The following PPP1R14C variants were observed in gnomAD, a reference collection of about 807,000 sequenced individuals.
PPP1R14C encodes protein phosphatase 1 regulatory subunit 14C.
A neutral mutation model predicts 20.4 loss-of-function variants in PPP1R14C; 16 were observed. That is an observed-to-expected ratio of 0.78 (90% CI 0.53 to 1.19). The LOEUF (loss-of-function observed/expected upper bound fraction) is 1.19. Among genes scored for constraint, PPP1R14C ranks in the 50% most tolerant of loss-of-function variants. PPP1R14C has a pLI of 0.00. For missense variants in PPP1R14C, 211 were observed against 220.1 expected (o/e 0.96, Z 0.26); for synonymous variants, 91 against 91.0 (o/e 1.00, Z 0.00).
intron 1 of PPP1R14C, among the ~76,000 whole-genome samples, chr6:150,198,402 G>A (rs1472651662): frequency 3.9e-5 from 6 of 152,248 alleles, no homozygotes; most frequent in East Asian, 1.9e-4. Flanking sequence ...CTGTGGCTGC[G>A]TGGTTGTCAG....
intron 1 of PPP1R14C, among the ~76,000 whole-genome samples, chr6:150,158,230 C>T (rs1777326529): frequency 6.6e-6 from 1 of 152,098 alleles, no homozygotes; most frequent in African/African-American, 2.4e-5. Flanking sequence ...TTTGCTATAA[C>T]TAATTCTGCC....
chr6:150,187,602 C>A (rs1777693245), intron 1 of PPP1R14C, among the ~76,000 whole-genome samples: 1 of 152,130 alleles, frequency 6.6e-6, no homozygotes, highest in African/African-American at 2.4e-5. Context: ...CAACTCCATC[C>A]ATGTTTCTGC....
intron 1 of PPP1R14C, among the ~76,000 whole-genome samples, chr6:150,144,810 C>G (rs573031498): frequency 2.6e-5 from 4 of 152,142 alleles, no homozygotes; most frequent in Non-Finnish European, 5.9e-5. Context: ...CCAGCTCTTA[C>G]AAAAAGCTAA....
intron 3 of PPP1R14C, among the ~76,000 whole-genome samples, chr6:150,221,951 A>C (rs1012901084): frequency 5.9e-5 from 9 of 152,132 alleles, no homozygotes; most frequent in Non-Finnish European, 1.2e-4. Context: ...GGTACACACC[A>C]CCACACTCAG....
At chr6:150,187,646 T>A (rs1288055063) in intron 1 of PPP1R14C, among the ~76,000 whole-genome samples, 1 of 152,244 alleles carries the variant, frequency 6.6e-6, no homozygotes. Context: ...TATGGCTGCG[T>A]AGTATTCTAT....
intron 1 of PPP1R14C, among the ~76,000 whole-genome samples, chr6:150,197,077 T>C (rs1777813466): frequency 6.6e-6 from 1 of 152,186 alleles, no homozygotes; most frequent in East Asian, 1.9e-4. Flanking sequence ...CAGCTGCTGC[T>C]TGCTGCACCT....
At chr6:150,161,556 C>T (rs1777368116) in intron 1 of PPP1R14C, among the ~76,000 whole-genome samples, 1 of 152,216 alleles carries the variant, frequency 6.6e-6, no homozygotes, top group African/African-American at 2.4e-5. Flanking sequence ...TCTTTAAACT[C>T]CTACTCCAAC....
chr6:150,174,226 A>T (rs1777532164), intron 1 of PPP1R14C, among the ~76,000 whole-genome samples: 2 of 152,126 alleles, frequency 1.3e-5, no homozygotes. Flanking sequence ...TTATAAATCA[A>T]TTACAAAGAA....
intron 1 of PPP1R14C, among the ~76,000 whole-genome samples, chr6:150,207,546 C>CATA (rs1417316939): frequency 1.3e-5 from 2 of 152,212 alleles, no homozygotes; most frequent in Non-Finnish European, 2.9e-5. Context: ...TGCCCTCTGG[C>CATA]CTTCATGAGC....
intron 3 of PPP1R14C, among the ~76,000 whole-genome samples, chr6:150,238,420 C>T (rs1440837322): frequency 1.3e-5 from 2 of 152,208 alleles, no homozygotes; most frequent in Admixed American, 6.5e-5. Flanking sequence ...GCTGGCCCTT[C>T]CAGAGCAGTC....
chr6:150,155,760 C>T (rs1222702570), intron 1 of PPP1R14C, among the ~76,000 whole-genome samples: 3 of 152,008 alleles, frequency 2.0e-5, no homozygotes, highest in Non-Finnish European at 4.4e-5. Flanking sequence ...CACGGTGGCT[C>T]ACACCTGTAA....
intron 1 of PPP1R14C, among the ~76,000 whole-genome samples, chr6:150,176,325 G>A (rs1182669761): frequency 2.0e-5 from 3 of 152,172 alleles, no homozygotes; most frequent in Non-Finnish European, 4.4e-5. Flanking sequence ...TCTAACAATC[G>A]AGTTGGAGGC....
intron 3 of PPP1R14C, among the ~76,000 whole-genome samples, chr6:150,239,068 A>G (rs1778401883): frequency 6.6e-6 from 1 of 152,244 alleles, no homozygotes. Flanking sequence ...ACTTCAAAAA[A>G]GAATGGATTC....
intron 3 of PPP1R14C, among the ~76,000 whole-genome samples, chr6:150,222,630 T>C (rs1296533873): frequency 6.6e-6 from 1 of 152,142 alleles, no homozygotes; most frequent in African/African-American, 2.4e-5. Context: ...CACTCACCCC[T>C]GGCAACCACT....
chr6:150,192,360 C>G (rs1032138980), intron 1 of PPP1R14C, among the ~76,000 whole-genome samples: 6 of 152,174 alleles, frequency 3.9e-5, no homozygotes, highest in Non-Finnish European at 7.3e-5. Flanking sequence ...ACTGTTCCAT[C>G]TCAGATCATC....
At position 150,168,399 on chromosome 6, in the gene PPP1R14C, G is replaced by A. The variant is rs188370827; in HGVS notation, c.306+24901G>A. Among the ~76,000 whole-genome samples the A allele has an allele frequency of 6.8e-3, 1,038 of 151,874 alleles. 4 individuals carry two copies. Among genetic ancestry groups the A allele is most frequent in the Non-Finnish European group, 9.0e-3 (607 of 67,766 alleles). ...AAAATACAGATTACCTGGGCGTAGT[G>A]GCGGGCGCCTGTAGTCCCAGCTACT... On this transcript the variant is annotated intron_variant, in intron 1 of 3. Coordinates refer to ENST00000361131, the MANE Select transcript of PPP1R14C (RefSeq NM_030949.3).
At chr6:150,245,861 A>AT (rs1035969819) in intron 3 of PPP1R14C, among the ~76,000 whole-genome samples, 2 of 152,224 alleles carry the variant, frequency 1.3e-5, no homozygotes, top group South Asian at 2.1e-4. Flanking sequence ...TGGTCTTGCT[A>AT]TTTTTTAACT....
intron 1 of PPP1R14C, among the ~76,000 whole-genome samples, chr6:150,170,652 G>A (rs968440532): frequency 1.3e-5 from 2 of 151,992 alleles, no homozygotes; most frequent in Non-Finnish European, 2.9e-5. Context: ...CCGTGATATC[G>A]AAGTAGACCA....
At chr6:150,146,001 C>T (rs116390012) in intron 1 of PPP1R14C, among the ~76,000 whole-genome samples, 1,621 of 152,284 alleles carry the variant, frequency 0.011, 21 homozygotes, top group African/African-American at 0.037. Context: ...AGAAGAAATA[C>T]ACAGAACCAC....
Sources: gnomAD v4.1 joint callset for allele counts (sites outside exome capture counted in the v4.1 genomes callset) on GRCh38, gnomAD v4.1.1 for gene constraint, MANE v1.5 for transcripts, NCBI Gene and HGNC (gene_info 2026-07-23, HGNC 2026-07-21) for gene names.